Variants in INSL6 observed in about 807,000 individuals in gnomAD.
INSL6 encodes insulin-like peptide INSL6.
Under a neutral mutation model 9.4 loss-of-function variants are expected in INSL6, and 16 were observed. That is an observed-to-expected ratio of 1.70 (90% CI 1.15 to 2.59). INSL6 has a LOEUF of 2.59. INSL6 is among the 30% of genes most tolerant of loss of function. INSL6 has a pLI of 0.00. For missense variants in INSL6, 391 were observed against 257.3 expected (o/e 1.52, Z -3.56); for synonymous variants, 154 against 96.9 (o/e 1.59, Z -3.46).
chr9:5,184,768 G>A (rs183507214), intron 1 of INSL6, among the ~76,000 whole-genome samples: 1 of 152,276 alleles, frequency 6.6e-6, no homozygotes, highest in East Asian at 1.9e-4. Context: ...CCTATCTCCT[G>A]GTACGTGACC....
At chr9:5,082,907 A>G in the INSL6 span, among the ~76,000 whole-genome samples, 2 of 152,240 alleles carry the variant, frequency 1.3e-5, no homozygotes, top group Non-Finnish European at 2.9e-5. Context: ...GGGCAAAGCA[A>G]TTGTTCAGGG....
At chr9:5,156,633 A>C (rs551207489) in intron 2 of INSL6, among the ~76,000 whole-genome samples, 1 of 152,334 alleles carries the variant, frequency 6.6e-6, no homozygotes, top group South Asian at 2.1e-4. Context: ...TTGCCTAGTT[A>C]ATATTGCATT....
the INSL6 span, chr9:5,099,984 C>CA: frequency 6.6e-6 from 1 of 152,204 alleles, no homozygotes; most frequent in African/African-American, 2.4e-5. Flanking sequence ...TACTAGTAAT[C>CA]ATTGAAACCA....
chr9:5,064,755 C>G, the INSL6 span: 1 of 593,862 alleles, frequency 1.7e-6, no homozygotes, highest in Admixed American at 3.3e-5. Context: ...ATATTGAGTA[C>G]TGAGCCATAA....
At chr9:5,165,929 C>T (rs780082204) in intron 1 of INSL6, among the ~76,000 whole-genome samples, 1 of 152,200 alleles carries the variant, frequency 6.6e-6, no homozygotes, top group Non-Finnish European at 1.5e-5. Flanking sequence ...GTGACTCCAC[C>T]CTCTAGCCAC....
chr9:5,067,068 T>G, the INSL6 span, among the ~76,000 whole-genome samples: 2 of 152,164 alleles, frequency 1.3e-5, no homozygotes, highest in South Asian at 4.1e-4. Flanking sequence ...TAAAAGGTAT[T>G]TCATCAAGTG....
the INSL6 span, among the ~76,000 whole-genome samples, chr9:5,042,636 C>CAA: frequency 2.0e-5 from 3 of 151,900 alleles, no homozygotes; most frequent in African/African-American, 7.3e-5. Flanking sequence ...TCATAAAGTC[C>CAA]AGCTTGTCTC....
chr9:5,152,899 C>T lies in INSL6; in HGVS notation c.376+11280G>A, dbSNP rs140845146. On this transcript the variant is annotated intron_variant, in intron 2 of 3. Coordinates refer to the INSL6 transcript ENST00000649639. ...GAGAGTGGGTGCAGCCCAAGGAGGG[C>T]GAGCTGAAGCACAGTGGAGCGTCGC... Among the ~76,000 whole-genome samples the T allele has an allele frequency of 2.6e-4, 39 of 152,274 alleles. No individual in the cohort carries two copies. The East Asian group carries it at 5.0e-3, about 20-fold the overall frequency.
the INSL6 span, chr9:5,054,541 G>A: frequency 6.5e-7 from 1 of 1,527,458 alleles, no homozygotes; most frequent in Non-Finnish European, 8.8e-7. The surrounding 1 kb of genome is among the most constrained non-coding windows in gnomAD (Gnocchi z 4.9). Flanking sequence ...TTGTTTTTCT[G>A]TATGTGCTTT....
At chr9:5,162,947 C>T (rs1305055370), downstream of INSL6, among the ~76,000 whole-genome samples, 3 of 151,940 alleles carry the variant, frequency 2.0e-5, no homozygotes, top group Admixed American at 2.0e-4. Flanking sequence ...ATTTGTAGTA[C>T]TAAAATTATG....
intron 1 of INSL6, among the ~76,000 whole-genome samples, chr9:5,165,442 C>A (rs990126127): frequency 3.3e-5 from 5 of 152,152 alleles, no homozygotes; most frequent in African/African-American, 1.2e-4. Flanking sequence ...CAAAACTTGA[C>A]ATTTTCCATT....
At chr9:5,015,430 C>T in the INSL6 span, among the ~76,000 whole-genome samples, 2 of 152,122 alleles carry the variant, frequency 1.3e-5, no homozygotes, top group Non-Finnish European at 2.9e-5. Context: ...GACATATGCA[C>T]AAATGGTACA....
chr9:5,165,523 T>C (rs1825032009), intron 1 of INSL6, among the ~76,000 whole-genome samples: 1 of 152,208 alleles, frequency 6.6e-6, no homozygotes, highest in Non-Finnish European at 1.5e-5. Context: ...TCATGGCTAA[T>C]GATGTTAAGC....
chr9:5,085,942 T>G, the INSL6 span: 17 of 1,120,526 alleles, frequency 1.5e-5, no homozygotes, highest in Non-Finnish European at 2.3e-5. Flanking sequence ...CAACCGAGTT[T>G]GAAAGGATCG....
chr9:5,143,623 T>G (rs1203272722), intron 2 of INSL6, among the ~76,000 whole-genome samples: 3 of 152,006 alleles, frequency 2.0e-5, no homozygotes, highest in Non-Finnish European at 4.4e-5. Context: ...TTTTATTAGT[T>G]TTTTCAAATA....
At chr9:5,171,970 A>C (rs987793111) in intron 1 of INSL6, among the ~76,000 whole-genome samples, 3 of 152,218 alleles carry the variant, frequency 2.0e-5, no homozygotes, top group African/African-American at 7.2e-5. Flanking sequence ...TCTTCACAGA[A>C]CTAGAAGAAA....
At chr9:5,111,258 G>A in the INSL6 span, 3 of 511,426 alleles carry the variant, frequency 5.9e-6, no homozygotes, top group South Asian at 3.4e-5. Flanking sequence ...AGACGCAGGC[G>A]TGCGCAGCCT....
At chr9:5,110,762 G>GTAGA in the INSL6 span, 16 of 385,082 alleles carry the variant, frequency 4.2e-5, no homozygotes, top group African/African-American at 3.1e-4. Flanking sequence ...CTGCGGACTG[G>GTAGA]CCATGCAGGA....
the INSL6 span, among the ~76,000 whole-genome samples, chr9:5,019,855 G>A: frequency 6.6e-6 from 1 of 152,204 alleles, no homozygotes; most frequent in Non-Finnish European, 1.5e-5. Flanking sequence ...GTGTGGTTGT[G>A]GAGGCTGTGG....
Sources: gnomAD v4.1 joint callset for allele counts (sites outside exome capture counted in the v4.1 genomes callset) on GRCh38, gnomAD v4.1.1 for gene constraint, Gnocchi (gnomAD v3.1) non-coding constraint, MANE v1.5 for transcripts, NCBI Gene and HGNC (gene_info 2026-07-23, HGNC 2026-07-21) for gene names.